PDE4B: variants seen among roughly 807,000 people sequenced by gnomAD.
The protein encoded by PDE4B is phosphodiesterase 4B.
A neutral mutation model predicts 82.2 loss-of-function variants in PDE4B; 20 were observed. That is an observed-to-expected ratio of 0.24 (90% CI 0.17 to 0.35). The LOEUF is 0.35. Among genes scored for constraint, PDE4B ranks in the 10% least tolerant of loss-of-function variants. The pLI, the probability that PDE4B is intolerant of heterozygous loss-of-function variation, is 1.00. For missense variants in PDE4B, 655 were observed against 907.2 expected, an observed-to-expected ratio of 0.72 and a Z score of 3.57; for synonymous variants, 320 against 318.9, an observed-to-expected ratio of 1.00 and a Z score of -0.04.
chr1:65,938,370 A>G lies in PDE4B; in HGVS notation c.281+19535A>G, dbSNP rs1648267067. On this transcript the variant is annotated intron_variant, in intron 3 of 16. Transcript: ENST00000341517. ...ATATGTGAGTAGTAAACTTTATTTT[A>G]TATCTGTAATTCCTATGTTTTATTC... Among the ~76,000 whole-genome samples, 3 of 152,204 alleles carry G rather than the reference A, an allele frequency of 2.0e-5. No individual in the cohort carries two copies. The South Asian group carries it at 6.2e-4, about 31-fold the overall frequency.
intron 3 of PDE4B, among the ~76,000 whole-genome samples, chr1:66,135,932 T>C (rs778333431): frequency 2.0e-5 from 3 of 152,242 alleles, no homozygotes; most frequent in Non-Finnish European, 4.4e-5. Context: ...AATTGGGCCA[T>C]GAAAGGTCTC....
intron 3 of PDE4B, among the ~76,000 whole-genome samples, chr1:66,069,137 T>A (rs1324161051): frequency 6.6e-6 from 1 of 152,030 alleles, no homozygotes; most frequent in East Asian, 1.9e-4. Context: ...GCTGTGTTCT[T>A]ACATGGTCCT....
chr1:66,016,462 A>G (rs1258671151), intron 3 of PDE4B, among the ~76,000 whole-genome samples: 1 of 152,204 alleles, frequency 6.6e-6, no homozygotes, highest in Admixed American at 6.5e-5. Context: ...TTCAGCTGTC[A>G]AACTTTAACA....
intron 4 of PDE4B, among the ~76,000 whole-genome samples, chr1:66,250,252 C>G (rs1000014427): frequency 2.0e-5 from 3 of 152,078 alleles, no homozygotes. Context: ...GCTAATAGAC[C>G]AAGAGTCTAG....
At chr1:66,129,522 T>C (rs539482370) in intron 3 of PDE4B, among the ~76,000 whole-genome samples, 96 of 149,546 alleles carry the variant, frequency 6.4e-4, no homozygotes, top group Admixed American at 1.3e-3. Context: ...TAGCCGGGCG[T>C]AGTGGCGGGC....
At chr1:66,042,570 G>A (rs1029153423) in intron 3 of PDE4B, 2 of 151,658 alleles carry the variant, frequency 1.3e-5, no homozygotes, top group African/African-American at 4.8e-5. Context: ...AAAGTATAAG[G>A]CATGGCCAGA....
intron 3 of PDE4B, among the ~76,000 whole-genome samples, chr1:66,053,813 C>A (rs181882518): frequency 6.6e-6 from 1 of 152,180 alleles, no homozygotes; most frequent in East Asian, 1.9e-4. Context: ...GAGCTGAGAT[C>A]GTGCCACTGC....
At chr1:66,200,644 G>T (rs1489587170) in intron 3 of PDE4B, among the ~76,000 whole-genome samples, 2 of 152,110 alleles carry the variant, frequency 1.3e-5, no homozygotes, top group Non-Finnish European at 2.9e-5. Flanking sequence ...TTGGCTCTCT[G>T]TTTGTCTGTT....
chr1:66,091,998 G>T (rs765935599), intron 3 of PDE4B, among the ~76,000 whole-genome samples: 2 of 151,824 alleles, frequency 1.3e-5, no homozygotes, highest in African/African-American at 2.4e-5. Flanking sequence ...GTGCAACATC[G>T]GCTATTCATC....
chr1:66,009,037 C>A (rs1652316739), intron 3 of PDE4B, among the ~76,000 whole-genome samples: 1 of 152,134 alleles, frequency 6.6e-6, no homozygotes, highest in African/African-American at 2.4e-5. Flanking sequence ...TCTCCAGCAG[C>A]CTTCTTGACA....
At chr1:66,100,248 T>A (rs1645195981) in intron 3 of PDE4B, among the ~76,000 whole-genome samples, 1 of 152,082 alleles carries the variant, frequency 6.6e-6, no homozygotes, top group South Asian at 2.1e-4. Context: ...AGATGGGGTT[T>A]CCTCATGTTG....
chr1:66,043,780 A>G (rs1654527607), intron 3 of PDE4B, among the ~76,000 whole-genome samples: 2 of 151,778 alleles, frequency 1.3e-5, no homozygotes, highest in Admixed American at 6.6e-5. Flanking sequence ...AGAGAGAACC[A>G]ACACAAAACA....
At chr1:65,937,269 T>C (rs1197644018) in intron 3 of PDE4B, among the ~76,000 whole-genome samples, 1 of 151,840 alleles carries the variant, frequency 6.6e-6, no homozygotes, top group Non-Finnish European at 1.5e-5. Context: ...CTGGGGAGAG[T>C]GGTGGCGATT....
At chr1:66,276,484 T>C (rs770225357) in intron 7 of PDE4B, among the ~76,000 whole-genome samples, 4 of 152,226 alleles carry the variant, frequency 2.6e-5, no homozygotes, top group African/African-American at 7.2e-5. Context: ...GAAAATGTCA[T>C]AGCAAGAAAG....
At chr1:66,164,355 T>C (rs1272142782) in intron 3 of PDE4B, among the ~76,000 whole-genome samples, 1 of 151,042 alleles carries the variant, frequency 6.6e-6, no homozygotes, top group Non-Finnish European at 1.5e-5. Context: ...GCCAACATGG[T>C]GAAACCCCAT....
intron 3 of PDE4B, among the ~76,000 whole-genome samples, chr1:66,140,233 C>A (rs548142032): frequency 5.3e-5 from 8 of 152,262 alleles, no homozygotes; most frequent in African/African-American, 1.9e-4. Flanking sequence ...AACTGCCACT[C>A]ACTTCCTGTG....
intron 3 of PDE4B, among the ~76,000 whole-genome samples, chr1:66,021,968 T>G (rs891138887): frequency 3.3e-5 from 5 of 152,226 alleles, no homozygotes; most frequent in African/African-American, 7.2e-5. Flanking sequence ...TCCATTTGTT[T>G]CTGTCCTCTT....
At chr1:66,152,446 C>G (rs769546082) in intron 3 of PDE4B, 16 of 252,872 alleles carry the variant, frequency 6.3e-5, no homozygotes, top group Non-Finnish European at 1.3e-4. Context: ...CAGCAGCACA[C>G]CACCACCTAT....
At chr1:65,794,506 A>T (rs1645609615) in intron 1 of PDE4B, among the ~76,000 whole-genome samples, 1 of 152,210 alleles carries the variant, frequency 6.6e-6, no homozygotes, top group African/African-American at 2.4e-5. Flanking sequence ...ACATGAATTC[A>T]CAAGAAGATA....
Sources: allele counts gnomAD v4.1 joint callset (sites outside exome capture counted in the v4.1 genomes callset), GRCh38; gene constraint gnomAD v4.1.1; transcripts MANE v1.5; gene names NCBI Gene and HGNC (gene_info 2026-07-23, HGNC 2026-07-21).